Variants in WNK1 observed in about 807,000 individuals in gnomAD.
WNK1 encodes serine/threonine-protein kinase WNK1.
WNK1 carries 38 observed loss-of-function variants against 222.8 expected under a neutral mutation model. That is an observed-to-expected ratio of 0.17 (90% confidence interval 0.13 to 0.22). WNK1 has a LOEUF of 0.22. WNK1 is among the 10% of genes least tolerant of loss of function. The pLI is 1.00. For missense variants in WNK1, 2,348 were observed against 2,918.4 expected (o/e 0.80, Z 4.50); for synonymous variants, 1,090 against 1,092.9 (o/e 1.00, Z 0.05).
rs188605239 is a variant in WNK1, at chr12:844,998, C to A, written c.1312-12163C>A. Reference sequence around the variant, plus strand: ...GCAAGCTCCGCCTCCCGGGTTCACGCCATTCTCCTGCCTCAGCCTCCCAAG... The same window carrying A: ...GCAAGCTCCGCCTCCCGGGTTCACGACATTCTCCTGCCTCAGCCTCCCAAG... On this transcript the variant is annotated intron_variant, in intron 4 of 27. Coordinates refer to ENST00000315939, the MANE Select transcript of WNK1 (RefSeq NM_018979.4). 9.9e-3 allele frequency among the ~76,000 whole-genome samples: 1,472 copies of A among 148,466 alleles called. 26 individuals carry two copies. Among genetic ancestry groups the A allele is most frequent in the African/African-American group, 0.034 (1,385 of 40,532 alleles).
chr12:872,260 GGACT>G (rs1387639107), intron 9 of WNK1, among the ~76,000 whole-genome samples: 9 of 152,146 alleles, frequency 5.9e-5, no homozygotes, highest in African/African-American at 1.9e-4. Context: ...CGAGTAGCTG[GGACT>G]ACAGGCGCGT....
At chr12:795,210 T>A (rs545014397) in intron 1 of WNK1, among the ~76,000 whole-genome samples, 45 of 152,308 alleles carry the variant, frequency 3.0e-4, no homozygotes, top group African/African-American at 1.1e-3. Context: ...TGAAGTGATC[T>A]GGGCCTGGGC....
At chr12:854,865 C>G (rs939951322) in intron 4 of WNK1, among the ~76,000 whole-genome samples, 1 of 152,098 alleles carries the variant, frequency 6.6e-6, no homozygotes, top group Non-Finnish European at 1.5e-5. Context: ...TTTACAATAG[C>G]TAATACACCG....
intron 23 of WNK1, among the ~76,000 whole-genome samples, chr12:895,626 T>G (rs1023072034): frequency 6.6e-6 from 1 of 151,944 alleles, no homozygotes; most frequent in African/African-American, 2.4e-5. Flanking sequence ...GCCTGGCTAA[T>G]TTTTGTATTT....
chr12:846,416 G>A (rs908355006), intron 4 of WNK1, among the ~76,000 whole-genome samples: 8 of 152,194 alleles, frequency 5.3e-5, no homozygotes, highest in Non-Finnish European at 8.8e-5. Context: ...AGGATAGTGC[G>A]TTTGAACTGG....
intron 2 of WNK1, among the ~76,000 whole-genome samples, chr12:824,043 G>A (rs1348518016): frequency 1.3e-5 from 2 of 151,352 alleles, no homozygotes; most frequent in African/African-American, 4.9e-5. Flanking sequence ...AGTAGCTGGG[G>A]CTATAGGCAC....
intron 8 of WNK1, among the ~76,000 whole-genome samples, chr12:862,848 C>T (rs778580324): frequency 1.6e-4 from 25 of 152,126 alleles, no homozygotes; most frequent in Non-Finnish European, 3.1e-4. Flanking sequence ...TGTTCTTTTG[C>T]TTTTTCCCTT....
chr12:843,796 T>G (rs769473397), intron 4 of WNK1, among the ~76,000 whole-genome samples: 2 of 152,228 alleles, frequency 1.3e-5, no homozygotes, highest in Non-Finnish European at 1.5e-5. Flanking sequence ...TGTAAAATTT[T>G]GGCCCCATTC....
intron 4 of WNK1, among the ~76,000 whole-genome samples, chr12:834,938 A>C (rs1432551014): frequency 1.3e-5 from 2 of 152,240 alleles, no homozygotes; most frequent in Non-Finnish European, 2.9e-5. Context: ...TTATGTAAAC[A>C]ATGAATATAT....
chr12:888,509 G>A (rs769154947), intron 20 of WNK1, among the ~76,000 whole-genome samples: 1 of 152,184 alleles, frequency 6.6e-6, no homozygotes, highest in African/African-American at 2.4e-5. Context: ...CAAAGACTGT[G>A]CAAGAATAGA....
rs72650717 is a variant in WNK1 at position 881,911 on chromosome 12, T to C, written c.3210T>C (p.Ser1070=). ...QPTTLASSVD[S]AHSDVASGMS... ...TTTTTTTTCTTTTTAAATTTCAAAGTGCACATTCAGATGTTGCTTCAGGTA... is the reference window on the plus strand; with the variant it reads ...TTTTTTTTCTTTTTAAATTTCAAAGCGCACATTCAGATGTTGCTTCAGGTA... The change falls in exon 14 of 28, where the codon AGT becomes AGC. Residue 1070 remains serine (S), a splice_region_variant and synonymous_variant. Transcript: ENST00000315939. 12 of 1,614,066 alleles carry C rather than the reference T, an allele frequency of 7.4e-6. No homozygotes were observed. The African/African-American group carries it at 1.5e-4, about 20-fold the overall frequency.
intron 20 of WNK1, among the ~76,000 whole-genome samples, chr12:887,787 C>G (rs1176281718): frequency 1.3e-5 from 2 of 152,134 alleles, no homozygotes; most frequent in Non-Finnish European, 2.9e-5. Context: ...AATTAGCTTA[C>G]TTATAGGTAG....
At chr12:846,512 G>C (rs1950036710) in intron 4 of WNK1, among the ~76,000 whole-genome samples, 1 of 152,180 alleles carries the variant, frequency 6.6e-6, no homozygotes, top group Non-Finnish European at 1.5e-5. Context: ...GAGCTAGCTT[G>C]ATTTGGTAGG....
chr12:853,843 C>T (rs1289570550), intron 4 of WNK1, among the ~76,000 whole-genome samples: 3 of 151,976 alleles, frequency 2.0e-5, no homozygotes, highest in Non-Finnish European at 4.4e-5. Context: ...CTTTACCTCC[C>T]GGGCTGAAAT....
chr12:809,571 T>C (rs1053125805), intron 1 of WNK1, among the ~76,000 whole-genome samples: 1 of 152,188 alleles, frequency 6.6e-6, no homozygotes, highest in Non-Finnish European at 1.5e-5. Flanking sequence ...GTTAGTCTTT[T>C]TGCTATCTTT....
intron 9 of WNK1, among the ~76,000 whole-genome samples, chr12:876,357 C>A (rs1291415022): frequency 6.6e-6 from 1 of 152,016 alleles, no homozygotes; most frequent in African/African-American, 2.4e-5. Flanking sequence ...TGCAGTGAGC[C>A]AAGATCGCGC....
At chr12:833,961 T>G (rs936541780) in intron 4 of WNK1, among the ~76,000 whole-genome samples, 4 of 152,196 alleles carry the variant, frequency 2.6e-5, no homozygotes, top group African/African-American at 9.6e-5. Flanking sequence ...CAAAGAATTA[T>G]AATTACATTA....
chr12:824,996 G>T (rs780631257), intron 2 of WNK1, among the ~76,000 whole-genome samples: 1 of 151,994 alleles, frequency 6.6e-6, no homozygotes, highest in Non-Finnish European at 1.5e-5. Context: ...AAACCCTTCA[G>T]TATGCATTTC....
chr12:904,897 T>C (rs72650791), intron 26 of WNK1, among the ~76,000 whole-genome samples: 258 of 152,312 alleles, frequency 1.7e-3, no homozygotes, highest in African/African-American at 5.8e-3. Context: ...GTGTGCTAGA[T>C]TGACGAGGAG....
Sources: gnomAD v4.1 joint callset for allele counts (sites outside exome capture counted in the v4.1 genomes callset) on GRCh38, gnomAD v4.1.1 for gene constraint, MANE v1.5 for transcripts, NCBI Gene and HGNC (gene_info 2026-07-23, HGNC 2026-07-21) for gene names.